CSMD3: variants seen among roughly 807,000 people sequenced by gnomAD.
CSMD3 encodes CUB and Sushi multiple domains 3, also known as CUB and sushi domain-containing protein 3.
Under a neutral mutation model 435.2 loss-of-function variants are expected in CSMD3, and 177 were observed. That is an observed-to-expected ratio of 0.41 (90% CI 0.36 to 0.46). The LOEUF (loss-of-function observed/expected upper bound fraction) is 0.46, where lower values mean the gene tolerates loss of function less well. Among genes scored for constraint, CSMD3 ranks in the 20% least tolerant of loss-of-function variants. CSMD3 has a pLI of 0.34. For missense variants in CSMD3, 4,265 were observed against 4,504.6 expected (o/e 0.95, Z 1.52); for synonymous variants, 1,656 against 1,520.5 (o/e 1.09, Z -2.07).
chr8:112,547,068 G>T, intron 27 of CSMD3, among the ~76,000 whole-genome samples: 1 of 152,034 alleles, frequency 6.6e-6, no homozygotes, highest in Non-Finnish European at 1.5e-5. Context: ...AAGAAGAATG[G>T]AATTAAATTG....
At chr8:112,635,375 C>T (rs932039428) in intron 22 of CSMD3, among the ~76,000 whole-genome samples, 3 of 151,988 alleles carry the variant, frequency 2.0e-5, no homozygotes, top group East Asian at 3.9e-4. Flanking sequence ...ACTCTGTAGC[C>T]CTCACTTGGA....
chr8:113,172,771 G>A (rs2092288660), intron 4 of CSMD3, among the ~76,000 whole-genome samples: 1 of 152,096 alleles, frequency 6.6e-6, no homozygotes, highest in African/African-American at 2.4e-5. Context: ...TGGGCAGTTG[G>A]ACATTCCCAC....
At chr8:112,245,415 T>C (rs1020327674) in intron 64 of CSMD3, among the ~76,000 whole-genome samples, 1 of 152,138 alleles carries the variant, frequency 6.6e-6, no homozygotes, top group Non-Finnish European at 1.5e-5. Flanking sequence ...AAGTGTTCTG[T>C]GGATAAATAA....
intron 1 of CSMD3, among the ~76,000 whole-genome samples, chr8:113,432,755 T>G (rs1436950643): frequency 6.6e-6 from 1 of 152,174 alleles, no homozygotes; most frequent in East Asian, 1.9e-4. Flanking sequence ...AAAGGGAGCT[T>G]CCTCCGCACT....
In CSMD3 at chr8:113,223,047, T is replaced by C. The variant is rs73701341; in HGVS notation, c.515-49131A>G. Reference sequence around the variant, plus strand: ...TCATTTTGCTTATTCCTAAAAAGAGTATTAAATATTATTTATTTATTTCTA... The same window carrying C: ...TCATTTTGCTTATTCCTAAAAAGAGCATTAAATATTATTTATTTATTTCTA... On this transcript the variant is annotated intron_variant, in intron 3 of 70. Transcript: ENST00000297405. Among the ~76,000 whole-genome samples, 734 of 150,880 alleles carry C rather than the reference T, an allele frequency of 4.9e-3. 6 individuals carry two copies. Among genetic ancestry groups the C allele is most frequent in the African/African-American group, 0.016 (666 of 41,406 alleles).
chr8:112,338,968 T>C (rs1206052598), intron 42 of CSMD3, among the ~76,000 whole-genome samples: 1 of 152,092 alleles, frequency 6.6e-6, no homozygotes, highest in Non-Finnish European at 1.5e-5. Flanking sequence ...TCTAATGTTA[T>C]ATACAATACA....
chr8:112,755,094 G>A (rs537521535), intron 13 of CSMD3, among the ~76,000 whole-genome samples: 4 of 152,046 alleles, frequency 2.6e-5, no homozygotes, highest in Non-Finnish European at 5.9e-5. Context: ...CACTTTGGGA[G>A]GCTGAGGCAG....
chr8:112,940,192 T>C (rs759077489), intron 9 of CSMD3, among the ~76,000 whole-genome samples: 4 of 149,884 alleles, frequency 2.7e-5, no homozygotes, highest in Non-Finnish European at 5.9e-5. Flanking sequence ...AGTAGTGTTT[T>C]AATAGTACCA....
intron 27 of CSMD3, among the ~76,000 whole-genome samples, chr8:112,537,636 A>C (rs1438309039): frequency 2.0e-5 from 3 of 151,936 alleles, no homozygotes; most frequent in Non-Finnish European, 4.4e-5. Flanking sequence ...TTAGAAGTAC[A>C]TGAATTTCTA....
chr8:112,311,929 T>C (rs923480980), intron 49 of CSMD3, among the ~76,000 whole-genome samples: 2 of 152,130 alleles, frequency 1.3e-5, no homozygotes, highest in African/African-American at 4.8e-5. Flanking sequence ...TCATAACCTG[T>C]CATTTCTAAA....
At chr8:112,702,618 G>A (rs778204207) in intron 13 of CSMD3, among the ~76,000 whole-genome samples, 1 of 151,982 alleles carries the variant, frequency 6.6e-6, no homozygotes, top group Non-Finnish European at 1.5e-5. Flanking sequence ...GATCCCCATG[G>A]TCCCATGATA....
Position 113,126,802 on chromosome 8 carries a change from G to A in CSMD3, c.710-27839C>T, listed in dbSNP as rs547609327. Among the ~76,000 whole-genome samples, 14 of 151,622 alleles carry A rather than the reference G, an allele frequency of 9.2e-5. No homozygotes were observed. In the East Asian group the frequency reaches 2.7e-3, roughly 30 times the overall value. ...GGATTCTGTTTACCCTGCAAGCCTCGGTTATTTCCACCCCTTCCCTCCACA... is the reference window on the plus strand; with the variant it reads ...GGATTCTGTTTACCCTGCAAGCCTCAGTTATTTCCACCCCTTCCCTCCACA... On this transcript the variant is annotated intron_variant, in intron 4 of 70. Coordinates refer to ENST00000297405, the MANE Select transcript of CSMD3 (RefSeq NM_198123.2).
At chr8:112,750,060 C>G (rs761555758) in intron 13 of CSMD3, among the ~76,000 whole-genome samples, 3 of 151,954 alleles carry the variant, frequency 2.0e-5, no homozygotes, top group Non-Finnish European at 4.4e-5. Flanking sequence ...AAAGAAGATA[C>G]TAAAAACGAG....
At chr8:112,835,557 T>C (rs2079999753) in intron 11 of CSMD3, among the ~76,000 whole-genome samples, 1 of 151,850 alleles carries the variant, frequency 6.6e-6, no homozygotes, top group African/African-American at 2.4e-5. Context: ...CCTCCCAATA[T>C]GGTCAGATCC....
chr8:112,305,129 T>C (rs1484119338), intron 51 of CSMD3, among the ~76,000 whole-genome samples: 1 of 152,156 alleles, frequency 6.6e-6, no homozygotes, highest in Admixed American at 6.6e-5. Context: ...GGTTTCACAA[T>C]TCAATCTTGT....
chr8:112,414,125 T>C (rs1811653368), intron 32 of CSMD3, among the ~76,000 whole-genome samples: 1 of 152,182 alleles, frequency 6.6e-6, no homozygotes, highest in African/African-American at 2.4e-5. Context: ...ATATTTGAAG[T>C]TGGCTCAATC....
At chr8:113,286,106 C>CTCCAACCCCA (rs1196058125) in intron 2 of CSMD3, among the ~76,000 whole-genome samples, 1 of 151,944 alleles carries the variant, frequency 6.6e-6, no homozygotes, top group Admixed American at 6.6e-5. Context: ...CCACATACAC[C>CTCCAACCCCA]TCCAACCCCA....
chr8:112,482,285 C>T (rs1819698376), intron 31 of CSMD3, among the ~76,000 whole-genome samples: 1 of 152,206 alleles, frequency 6.6e-6, no homozygotes, highest in Non-Finnish European at 1.5e-5. Flanking sequence ...CATGTTACCA[C>T]ATACAAATTC....
intron 27 of CSMD3, among the ~76,000 whole-genome samples, chr8:112,541,915 C>T (rs1004919641): frequency 2.0e-5 from 3 of 151,842 alleles, no homozygotes; most frequent in South Asian, 4.1e-4. Flanking sequence ...TCCAACAGCA[C>T]ATTAAAATGT....
Sources: allele counts gnomAD v4.1 joint callset (sites outside exome capture counted in the v4.1 genomes callset), GRCh38; gene constraint gnomAD v4.1.1; transcripts MANE v1.5; gene names NCBI Gene and HGNC (gene_info 2026-07-23, HGNC 2026-07-21).